Variants in GPR63 observed in about 807,000 individuals in gnomAD.
The protein encoded by GPR63 is G protein-coupled receptor 63.
Under a neutral mutation model 23.1 loss-of-function variants are expected in GPR63, and 12 were observed. The ratio of observed to expected loss-of-function variants is 0.52; its 90% CI spans 0.33 to 0.84. GPR63 has a LOEUF of 0.84. GPR63 is among the 40% of genes least tolerant of loss of function. The pLI is 0.02. For synonymous variants in GPR63, 172 were observed against 191.1 expected (o/e 0.90, Z 0.82); for missense variants, 472 against 515.6 (o/e 0.92, Z 0.82).
chr6:96,799,725 A>T lies in GPR63; in HGVS notation c.7T>A (p.Phe3Ile). 1 of 1,614,214 alleles carries T rather than the reference A, an allele frequency of 6.2e-7. No individual in the cohort carries two copies. The change falls in exon 2 of 2, where the codon TTC becomes ATC. Residue 3 changes from phenylalanine to isoleucine, a missense_variant. Phe to Ile is a conservative substitution (Grantham distance 21, BLOSUM62 0). Coordinates refer to ENST00000229955, the MANE Select transcript of GPR63 (RefSeq NM_030784.4). MVFSAVLTAFHTG... is the reference protein window; with the variant it reads MVISAVLTAFHTG... ...TGGAACGCAGTCAACACTGCCGAGA[A>T]GACCATGGTTTCAGTAGGATGGAAG... is the stretch of plus-strand genomic sequence containing the variant.
chr6:96,827,624 C>T (rs1050090446), intron 1 of GPR63, among the ~76,000 whole-genome samples: 23 of 152,040 alleles, frequency 1.5e-4, no homozygotes, highest in Non-Finnish European at 3.1e-4. Context: ...AAGAGAGTAT[C>T]TTCAAAAGAT....
chr6:96,806,049 A>G (rs778996437), intron 1 of GPR63, among the ~76,000 whole-genome samples: 1 of 152,068 alleles, frequency 6.6e-6, no homozygotes, highest in Non-Finnish European at 1.5e-5. Flanking sequence ...CTACTATCCT[A>G]CCTCAGGGCT....
Position 96,799,512 on chromosome 6 carries a change from T to C in GPR63, c.220A>G (p.Lys74Glu), listed in dbSNP as rs760612816. 6.2e-7 allele frequency: 1 copy of C among 1,614,172 alleles called. No individual in the cohort carries two copies. Among genetic ancestry groups the C allele is most frequent in the Non-Finnish European group, 8.5e-7 (1 of 1,180,020 alleles). Residue 74 changes from lysine to glutamate, a missense_variant, in exon 2 of 2, where the codon AAG (lysine) becomes GAG (glutamate). Lys to Glu is a moderately conservative substitution (Grantham distance 56, BLOSUM62 1). Coordinates refer to ENST00000229955, the MANE Select transcript of GPR63 (RefSeq NM_030784.4). ...TAVPTTPAAFKSLNLPLQITL... is the reference protein window; with the variant it reads ...TAVPTTPAAFESLNLPLQITL... ...ATCTGAAGAGGCAAGTTTAGGCTCT[T>C]AAATGCTGCTGGTGTTGTGGGCACA... is the stretch of plus-strand genomic sequence containing the variant.
chr6:96,808,773 T>A (rs1231404982), intron 1 of GPR63, among the ~76,000 whole-genome samples: 1 of 152,068 alleles, frequency 6.6e-6, no homozygotes, highest in East Asian at 1.9e-4. Flanking sequence ...CTTTTTTTTA[T>A]TTTATTTTAT....
At chr6:96,817,471 T>C (rs1380161334) in intron 1 of GPR63, among the ~76,000 whole-genome samples, 2 of 152,200 alleles carry the variant, frequency 1.3e-5, no homozygotes, top group African/African-American at 2.4e-5. Flanking sequence ...TTTGTAGTTA[T>C]GCCTGCTCTG....
At chr6:96,807,738 T>C (rs770129638) in intron 1 of GPR63, among the ~76,000 whole-genome samples, 1 of 152,230 alleles carries the variant, frequency 6.6e-6, no homozygotes, top group Non-Finnish European at 1.5e-5. Context: ...ATATTCAGTA[T>C]TCAAAGGGGC....
intron 1 of GPR63, among the ~76,000 whole-genome samples, chr6:96,813,973 T>C (rs79834670): frequency 1.3e-5 from 2 of 152,094 alleles, no homozygotes; most frequent in Non-Finnish European, 2.9e-5. Flanking sequence ...AGTGGTATAT[T>C]TGAAATGTAG....
chr6:96,812,787 T>A (rs1194650037), intron 1 of GPR63, among the ~76,000 whole-genome samples: 2 of 152,124 alleles, frequency 1.3e-5, no homozygotes, highest in East Asian at 3.8e-4. Flanking sequence ...TGTGTAATAA[T>A]CAAGTCGGGG....
At position 96,794,469 on chromosome 6, in the gene GPR63, A is replaced by G. The variant is rs1174414602; in HGVS notation, c.*4003T>C. ...GCCATTCTTTAAACTTAAACTAAAA[A>G]TCATTGTAGAATAAAATGTCAAGCA... On this transcript the variant is annotated 3_prime_UTR_variant, in exon 2 of 2. Coordinates refer to ENST00000229955, the MANE Select transcript of GPR63 (RefSeq NM_030784.4). 2 of 152,184 alleles carry G rather than the reference A, an allele frequency of 1.3e-5. No homozygotes were observed. The highest frequency in any genetic ancestry group is 2.9e-5 in the Non-Finnish European group (2 of 68,008). The allele number at this position is 152,184 out of a possible 1,614,324, so 9.4% of individuals were successfully genotyped here. A position where few individuals can be genotyped will look rare whatever the true frequency, so the allele number is the denominator to read the frequency against.
At chr6:96,831,972 G>A (rs1774596025) in intron 1 of GPR63, among the ~76,000 whole-genome samples, 1 of 151,592 alleles carries the variant, frequency 6.6e-6, no homozygotes, top group African/African-American at 2.4e-5. Context: ...AGTCATTACT[G>A]TACAGCTGAA....
intron 1 of GPR63, among the ~76,000 whole-genome samples, chr6:96,836,306 G>A (rs942754077): frequency 7.9e-5 from 12 of 152,168 alleles, no homozygotes; most frequent in Admixed American, 7.9e-4. Flanking sequence ...ATCAGCTTAT[G>A]CAAGAAACAT....
intron 1 of GPR63, among the ~76,000 whole-genome samples, chr6:96,805,125 A>C (rs1773863833): frequency 6.6e-6 from 1 of 152,000 alleles, no homozygotes; most frequent in Non-Finnish European, 1.5e-5. Flanking sequence ...CTTTTTTCCC[A>C]AAGGATGAGG....
intron 1 of GPR63, among the ~76,000 whole-genome samples, chr6:96,811,837 AAAATAAATAAATAAAT>A (rs199649144): frequency 0.18 from 25,401 of 141,966 alleles, 2,366 homozygotes; most frequent in East Asian, 0.22. Flanking sequence ...TATTTCATTA[AAAATAAATAAATAAAT>A]AAATAAATAA....
rs1773574082 is a variant in GPR63, at chr6:96,796,171, T to C, written c.*2301A>G. On this transcript the variant is annotated 3_prime_UTR_variant, in exon 2 of 2. Coordinates refer to ENST00000229955, the MANE Select transcript of GPR63 (RefSeq NM_030784.4). ...AGTGCCACACTCTTCAGACATTTAA[T>C]ATTAAGAAATAGCTAATGAAGTAAA... 1 of 152,180 alleles carries C rather than the reference T, an allele frequency of 6.6e-6. No homozygotes were observed. The highest frequency in any genetic ancestry group is 1.5e-5 in the Non-Finnish European group (1 of 68,032). The allele number at this position is 152,180 out of a possible 1,614,324, so 9.4% of individuals were successfully genotyped here. A position where few individuals can be genotyped will look rare whatever the true frequency, so the allele number is the denominator to read the frequency against.
intron 1 of GPR63, among the ~76,000 whole-genome samples, chr6:96,802,426 A>G (rs1267834098): frequency 2.6e-5 from 4 of 152,234 alleles, no homozygotes; most frequent in Non-Finnish European, 5.9e-5. Flanking sequence ...CACAGTCCAC[A>G]TCCCGAAAAT....
intron 1 of GPR63, among the ~76,000 whole-genome samples, chr6:96,815,734 T>C (rs1225950158): frequency 6.6e-6 from 1 of 152,200 alleles, no homozygotes; most frequent in East Asian, 1.9e-4. Flanking sequence ...TTGTATATCA[T>C]ATATATCAAT....
At chr6:96,831,401 C>G (rs1774576129) in intron 1 of GPR63, among the ~76,000 whole-genome samples, 2 of 150,340 alleles carry the variant, frequency 1.3e-5, no homozygotes, top group Admixed American at 1.3e-4. Context: ...GGTTCAAACC[C>G]TATCTGACTT....
intron 1 of GPR63, among the ~76,000 whole-genome samples, chr6:96,805,448 C>T (rs1773872262): frequency 6.6e-6 from 1 of 152,176 alleles, no homozygotes; most frequent in Admixed American, 6.5e-5. Flanking sequence ...CTGGGGATTC[C>T]ATTTCAACAT....
intron 1 of GPR63, among the ~76,000 whole-genome samples, chr6:96,811,882 AAATAAAT>A (rs1562118983): frequency 8.0e-5 from 11 of 136,998 alleles, no homozygotes; most frequent in Non-Finnish European, 1.3e-4. Flanking sequence ...ATAAATAAAT[AAATAAAT>A]AAAATAAAAG....
Sources: allele counts gnomAD v4.1 joint callset (sites outside exome capture counted in the v4.1 genomes callset), GRCh38; gene constraint gnomAD v4.1.1; transcripts MANE v1.5; gene names NCBI Gene and HGNC (gene_info 2026-07-23, HGNC 2026-07-21).